Variants in CPM observed in about 807,000 individuals in gnomAD.
The protein encoded by CPM is carboxypeptidase M, also known as renal carboxypeptidase.
CPM carries 35 observed loss-of-function variants against 46.4 expected under a neutral mutation model. That is an observed-to-expected ratio of 0.75 (90% CI 0.58 to 1.00). The LOEUF (loss-of-function observed/expected upper bound fraction) is 1.00. Among genes scored for constraint, CPM ranks in the 50% least tolerant of loss-of-function variants. CPM has a pLI of 0.00. For missense variants in CPM, 422 were observed against 530.4 expected, an observed-to-expected ratio of 0.80 and a Z score of 2.01; for synonymous variants, 195 against 195.3, an observed-to-expected ratio of 1.00 and a Z score of 0.01.
intron 3 of CPM, among the ~76,000 whole-genome samples, chr12:68,879,435 C>G (rs1448484888): frequency 6.6e-6 from 1 of 152,120 alleles, no homozygotes; most frequent in East Asian, 1.9e-4. Flanking sequence ...GTGATCATGG[C>G]TCACTGCAGC....
In CPM at chr12:68,854,169, G is replaced by A. The variant is rs142048858; in HGVS notation, c.*2268C>T. 3.5e-4 allele frequency: 54 copies of A among 152,260 alleles called. No individual in the cohort carries two copies. The highest frequency in any genetic ancestry group is 1.3e-3 in the African/African-American group (52 of 41,546). The allele number at this position is 152,260 out of a possible 1,614,324, so 9.4% of individuals were successfully genotyped here. A position where few individuals can be genotyped will look rare whatever the true frequency, so the allele number is the denominator to read the frequency against. Reference sequence around the variant, plus strand: ...GACATGAAAACACTCTTCTGTCAGCGTTCATAGTGAGCTGGGAGGTTGCCT... The same window carrying A: ...GACATGAAAACACTCTTCTGTCAGCATTCATAGTGAGCTGGGAGGTTGCCT... On this transcript the variant is annotated 3_prime_UTR_variant, in exon 9 of 9. Transcript: ENST00000551568.
Position 68,871,882 on chromosome 12 carries a change from T to C in CPM, c.333A>G (p.Thr111=). The change falls in exon 4 of 9, where the codon ACA becomes ACG. Residue 111 remains threonine (T), a synonymous_variant. Coordinates refer to ENST00000551568, the MANE Select transcript of CPM (RefSeq NM_198320.5). ...GTATCCGGGTACTATTGATCAGATT[T>C]GTGATTTCAGGGTCTTTGCCATCAC... ...VTSDGKDPEI[T]NLINSTRIHI... 2 of 1,614,186 alleles carry C rather than the reference T, an allele frequency of 1.2e-6. No individual in the cohort carries two copies. The highest frequency in any genetic ancestry group is 1.7e-6 in the Non-Finnish European group (2 of 1,180,016).
intron 5 of CPM, among the ~76,000 whole-genome samples, chr12:68,869,891 G>T (rs79514564): frequency 3.3e-5 from 5 of 151,726 alleles, no homozygotes; most frequent in South Asian, 2.1e-4. Context: ...AAAAAAAAAA[G>T]TGAGTTGTTC....
chr12:68,844,146 A>G (rs1028944909), intron 5 of CPM: 18 of 207,558 alleles, frequency 8.7e-5, no homozygotes, highest in African/African-American at 4.1e-4. Context: ...TAGGTTCTTT[A>G]TAGTACACGT....
intron 3 of CPM, among the ~76,000 whole-genome samples, chr12:68,876,277 T>C (rs963206573): frequency 6.6e-6 from 1 of 152,184 alleles, no homozygotes; most frequent in Non-Finnish European, 1.5e-5. Flanking sequence ...ATCAGATAAT[T>C]TTTTAAATGC....
intron 1 of CPM, among the ~76,000 whole-genome samples, chr12:68,938,577 T>C (rs1888709088): frequency 6.6e-6 from 1 of 152,190 alleles, no homozygotes; most frequent in Non-Finnish European, 1.5e-5. Context: ...GGATCATTTC[T>C]TAGACATGTA....
intron 2 of CPM, among the ~76,000 whole-genome samples, chr12:68,923,251 T>G (rs7484979): frequency 0.025 from 8 of 314 alleles, 2 homozygotes; most frequent in South Asian, 0.17. Context: ...CTTTTGTTTT[T>G]TTTTTTACAT....
In CPM at chr12:68,852,119, A is replaced by G. The variant is rs1306498695; in HGVS notation, c.*4318T>C. 1 of 152,262 alleles carries G rather than the reference A, an allele frequency of 6.6e-6. No individual in the cohort carries two copies. Among genetic ancestry groups the G allele is most frequent in the Admixed American group, 6.5e-5 (1 of 15,288 alleles). 9.4% of individuals were successfully genotyped at this position (152,262 alleles called of 1,614,324 possible). ...TCACAAATGCAAATTTGCTTCTGGA[A>G]CAAAACATAACATTGATTTCTTGGA... On this transcript the variant is annotated 3_prime_UTR_variant, in exon 9 of 9. Coordinates refer to ENST00000551568, the MANE Select transcript of CPM (RefSeq NM_198320.5).
chr12:68,892,863 C>T (rs1886712378), intron 2 of CPM, among the ~76,000 whole-genome samples: 2 of 151,766 alleles, frequency 1.3e-5, no homozygotes, highest in Admixed American at 6.6e-5. Flanking sequence ...AAAAAACAAA[C>T]CGAAAAGAAA....
At chr12:68,911,678 T>C (rs1152937) in intron 2 of CPM, among the ~76,000 whole-genome samples, 125,687 of 152,228 alleles carry the variant, frequency 0.83, 52,165 homozygotes, top group African/African-American at 0.92. Context: ...GTAGCATATA[T>C]TTCCATAGCA....
chr12:68,942,911 T>C (rs1888787088), intron 1 of CPM, among the ~76,000 whole-genome samples: 1 of 152,160 alleles, frequency 6.6e-6, no homozygotes, highest in Non-Finnish European at 1.5e-5. Context: ...ACACATCAGC[T>C]GAGAAACAAT....
intron 2 of CPM, among the ~76,000 whole-genome samples, chr12:68,914,966 T>C (rs1037452106): frequency 8.5e-5 from 13 of 152,320 alleles, no homozygotes; most frequent in Admixed American, 2.6e-4. Flanking sequence ...GGATTTAAAA[T>C]AATATGGATA....
intron 7 of CPM, among the ~76,000 whole-genome samples, chr12:68,859,980 A>T (rs1327767890): frequency 2.0e-5 from 3 of 152,228 alleles, no homozygotes; most frequent in Non-Finnish European, 4.4e-5. Flanking sequence ...CAATAGTAAG[A>T]TGATCTTGAA....
intron 2 of CPM, among the ~76,000 whole-genome samples, chr12:68,898,757 G>A (rs1397948761): frequency 6.6e-6 from 1 of 152,174 alleles, no homozygotes; most frequent in African/African-American, 2.4e-5. Context: ...CTAAAACCCA[G>A]CTCTGTCACT....
Position 68,918,398 on chromosome 12 carries a change from C to T in CPM, c.160+14280G>A, listed in dbSNP as rs569960722. On this transcript the variant is annotated intron_variant, in intron 2 of 8. Coordinates refer to ENST00000551568, the MANE Select transcript of CPM (RefSeq NM_198320.5). ...CTCTCTTGAGCTCCACTTATATACC[C>T]AACCGTCTCCACTGGATACCTCCTG... 2.5e-4 allele frequency among the ~76,000 whole-genome samples: 38 copies of T among 152,270 alleles called. 1 individual carries two copies. In the South Asian group the frequency reaches 7.9e-3, roughly 32 times the overall value.
intron 2 of CPM, among the ~76,000 whole-genome samples, chr12:68,892,060 C>T (rs912188429): frequency 1.3e-5 from 2 of 152,092 alleles, no homozygotes. Flanking sequence ...TTAATAAGCT[C>T]TCCAGGTGAT....
At chr12:68,911,952 T>C (rs940694477) in intron 2 of CPM, 1 of 152,188 alleles carries the variant, frequency 6.6e-6, no homozygotes, top group Non-Finnish European at 1.5e-5. Flanking sequence ...ATTTGTCTAA[T>C]AGGCTTTCTG....
intron 2 of CPM, among the ~76,000 whole-genome samples, chr12:68,890,419 C>T (rs933619789): frequency 6.6e-6 from 1 of 151,350 alleles, no homozygotes. Context: ...ATACTATGTG[C>T]CAGGCACTCT....
chr12:68,882,433 G>A (rs1294508684), intron 3 of CPM, among the ~76,000 whole-genome samples: 1 of 152,136 alleles, frequency 6.6e-6, no homozygotes, highest in Non-Finnish European at 1.5e-5. Context: ...ATTCCACGAT[G>A]TATATGTACC....
Sources: gnomAD v4.1 joint callset for allele counts (sites outside exome capture counted in the v4.1 genomes callset) on GRCh38, gnomAD v4.1.1 for gene constraint, MANE v1.5 for transcripts, NCBI Gene and HGNC (gene_info 2026-07-23, HGNC 2026-07-21) for gene names.